EDIL3: variants seen among roughly 807,000 people sequenced by gnomAD.
EDIL3 encodes EGF like and discoidin domains 3.
A neutral mutation model predicts 67.4 loss-of-function variants in EDIL3; 37 were observed. The ratio of observed to expected loss-of-function variants is 0.55; its 90% CI spans 0.42 to 0.72. The LOEUF is 0.72. Ranked by LOEUF, EDIL3 falls within the 30% of genes least tolerant of loss-of-function variation. EDIL3 has a pLI of 0.00. For synonymous variants in EDIL3, 195 were observed against 196.3 expected (o/e 0.99, Z 0.05); for missense variants, 527 against 586.3 (o/e 0.90, Z 1.04).
chr5:84,161,990 A>G (rs1748621200), intron 4 of EDIL3, among the ~76,000 whole-genome samples: 1 of 152,136 alleles, frequency 6.6e-6, no homozygotes, highest in Non-Finnish European at 1.5e-5. Context: ...TCTTCTCTAC[A>G]GATATCCAAG....
intron 1 of EDIL3, among the ~76,000 whole-genome samples, chr5:84,298,893 A>T (rs552308699): frequency 1.2e-3 from 182 of 152,262 alleles, no homozygotes; most frequent in African/African-American, 4.2e-3. Flanking sequence ...GTTGGGGCGC[A>T]TCAAGGATCA....
At chr5:83,970,643 GTATATATATATATATATATATA>G (rs70975530) in intron 9 of EDIL3, among the ~76,000 whole-genome samples, 19 of 116,152 alleles carry the variant, frequency 1.6e-4, no homozygotes, top group African/African-American at 3.1e-4. Flanking sequence ...TAGGATCACA[GTATATATATATATATATATATA>G]TATATATATA....
chr5:84,309,313 GTT>G, intron 1 of EDIL3, among the ~76,000 whole-genome samples: 4 of 89,284 alleles, frequency 4.5e-5, no homozygotes, highest in Admixed American at 1.1e-4. Context: ...TTTTTTCTTT[GTT>G]TTTTTTTTTT....
intron 1 of EDIL3, among the ~76,000 whole-genome samples, chr5:84,320,629 T>A (rs1248593641): frequency 6.6e-6 from 1 of 152,132 alleles, no homozygotes; most frequent in Admixed American, 6.5e-5. Flanking sequence ...CTCTATACTA[T>A]ACCATGTTAG....
intron 1 of EDIL3, among the ~76,000 whole-genome samples, chr5:84,297,791 T>C (rs566309916): frequency 1.2e-4 from 19 of 152,244 alleles, no homozygotes; most frequent in African/African-American, 4.3e-4. Context: ...CTTGAGATAA[T>C]GGAGAGCAGG....
chr5:84,009,469 C>T (rs956179328), intron 9 of EDIL3, among the ~76,000 whole-genome samples: 2 of 151,994 alleles, frequency 1.3e-5, no homozygotes, highest in African/African-American at 4.8e-5. Context: ...TTTTGAATAA[C>T]AAATATGTTT....
chr5:84,077,382 T>C (rs1262238560), intron 6 of EDIL3, among the ~76,000 whole-genome samples: 2 of 152,186 alleles, frequency 1.3e-5, no homozygotes, highest in African/African-American at 4.8e-5. Context: ...CAAGGGTGTA[T>C]GAGTCCATTT....
At chr5:84,230,415 T>C (rs1476294131) in intron 2 of EDIL3, among the ~76,000 whole-genome samples, 1 of 151,908 alleles carries the variant, frequency 6.6e-6, no homozygotes, top group African/African-American at 2.4e-5. Flanking sequence ...CTTTTCTTTT[T>C]TTTTTTTTTT....
intron 6 of EDIL3, among the ~76,000 whole-genome samples, chr5:84,090,858 G>T (rs1294142521): frequency 6.6e-6 from 1 of 151,744 alleles, no homozygotes; most frequent in Non-Finnish European, 1.5e-5. Flanking sequence ...TGAGGCAGGA[G>T]AATCGCTTGA....
Position 84,226,613 on chromosome 5 carries a change from T to C in EDIL3, c.226+3242A>G, listed in dbSNP as rs1442707814. Among the ~76,000 whole-genome samples, 4 of 151,904 alleles carry C rather than the reference T, an allele frequency of 2.6e-5. No homozygotes were observed. In the East Asian group the frequency reaches 5.8e-4, roughly 22 times the overall value. ...TTGATAAAATTAAAAGGAAAACATT[T>C]GTTTCCCATTGTCTGCTTTTTATAC... is the stretch of plus-strand genomic sequence containing the variant. On this transcript the variant is annotated intron_variant, in intron 3 of 10. Coordinates refer to ENST00000296591, the MANE Select transcript of EDIL3 (RefSeq NM_005711.5).
At chr5:84,071,628 C>G (rs188332386) in intron 6 of EDIL3, among the ~76,000 whole-genome samples, 152 of 152,216 alleles carry the variant, frequency 1.0e-3, no homozygotes, top group African/African-American at 3.5e-3. Context: ...TAGTAAGCAG[C>G]AAGACAGTGT....
intron 1 of EDIL3, among the ~76,000 whole-genome samples, chr5:84,361,303 A>ACACACT (rs1554044180): frequency 6.8e-6 from 1 of 147,226 alleles, no homozygotes; most frequent in African/African-American, 2.5e-5. Flanking sequence ...ACACACACAC[A>ACACACT]CTTCAGATTT....
chr5:84,064,736 T>C lies in EDIL3; in HGVS notation c.916A>G (p.Thr306Ala). 1 of 1,613,724 alleles carries C rather than the reference T, an allele frequency of 6.2e-7. No homozygotes were observed. Among genetic ancestry groups the C allele is most frequent in the Non-Finnish European group, 8.5e-7 (1 of 1,179,740 alleles). The change falls in exon 8 of 11, where the codon ACT (threonine) becomes GCT (alanine). Residue 306 changes from threonine to alanine, a missense_variant. Thr to Ala is a moderately conservative substitution (Grantham distance 58). Around this residue, in one of 2 missense-constraint regions of EDIL3, gnomAD observed 494 missense variants for 522.5 expected, o/e 0.95. Coordinates refer to ENST00000296591, the MANE Select transcript of EDIL3 (RefSeq NM_005711.5). The stretch of plus-strand genomic sequence containing the variant: ...CAGCCAAGAAGTTCCATTCGCAAAG[T>C]GCAATGTCTTCGACAAACTTGGGGA... ...LYPQVCRRHC[T>A]LRMELLGCEL...
At chr5:84,125,669 G>A (rs1747857243) in intron 5 of EDIL3, among the ~76,000 whole-genome samples, 1 of 151,890 alleles carries the variant, frequency 6.6e-6, no homozygotes, top group African/African-American at 2.4e-5. Flanking sequence ...CCCTCCCCCT[G>A]CCCCAAGTAC....
At position 84,176,504 on chromosome 5, in the gene EDIL3, G is replaced by A. The variant is rs34307633; in HGVS notation, c.355+3889C>T. Among the ~76,000 whole-genome samples, 1,387 of 151,252 alleles carry A rather than the reference G, an allele frequency of 9.2e-3. 9 individuals carry two copies. The highest frequency in any genetic ancestry group is 0.015 in the Non-Finnish European group (989 of 67,866). ...TCTGGAGCTGTGCACAGGTAGAGAAGAATGTACAGAATGCCTTCTGTGGGA... is the reference window on the plus strand; with the variant it reads ...TCTGGAGCTGTGCACAGGTAGAGAAAAATGTACAGAATGCCTTCTGTGGGA... On this transcript the variant is annotated intron_variant, in intron 4 of 10. Coordinates refer to ENST00000296591, the MANE Select transcript of EDIL3 (RefSeq NM_005711.5).
At chr5:83,984,033 A>T (rs959564991) in intron 9 of EDIL3, among the ~76,000 whole-genome samples, 24 of 152,006 alleles carry the variant, frequency 1.6e-4, no homozygotes, top group African/African-American at 5.6e-4. Context: ...GCATTGACTT[A>T]AGAGGCCAGG....
rs368802593 is a variant in EDIL3 at position 84,092,215 on chromosome 5, G to A, written c.651+14434C>T. 1.2e-4 allele frequency among the ~76,000 whole-genome samples: 19 copies of A among 152,224 alleles called. No homozygotes were observed. The East Asian group carries it at 2.1e-3, about 17-fold the overall frequency. On this transcript the variant is annotated intron_variant, in intron 6 of 10. Coordinates refer to ENST00000296591, the MANE Select transcript of EDIL3 (RefSeq NM_005711.5). ...TGAATTTTTTTTATGATAAAAGCAA[G>A]TTGTTACCTTCAATCAATTCAGATT...
chr5:84,035,113 C>T (rs961417010), intron 9 of EDIL3, among the ~76,000 whole-genome samples: 1 of 151,792 alleles, frequency 6.6e-6, no homozygotes, highest in Admixed American at 6.6e-5. Flanking sequence ...AACTGAATTC[C>T]ACATCAGAAT....
chr5:84,137,178 TATACATAC>T, intron 5 of EDIL3, 55 bp downstream of exon 5: 1 of 969,812 alleles, frequency 1.0e-6, no homozygotes, highest in Non-Finnish European at 1.5e-6. Flanking sequence ...TGTGTGTGTG[TATACATAC>T]ACACACACAC....
Sources: gnomAD v4.1 joint callset for allele counts (sites outside exome capture counted in the v4.1 genomes callset) on GRCh38, gnomAD v4.1.1 for gene constraint, gnomAD v4.1.1 regional missense constraint, MANE v1.5 for transcripts, NCBI Gene and HGNC (gene_info 2026-07-23, HGNC 2026-07-21) for gene names.